The following LMAN2L variants were observed in gnomAD, a reference collection of about 807,000 sequenced individuals.
LMAN2L encodes the protein VIP36-like protein.
A neutral mutation model predicts 44.3 loss-of-function variants in LMAN2L; 30 were observed. The ratio of observed to expected loss-of-function variants is 0.68; its 90% CI spans 0.51 to 0.92. The LOEUF (loss-of-function observed/expected upper bound fraction) is 0.92, where lower values mean the gene tolerates loss of function less well. LMAN2L is among the 40% of genes least tolerant of loss of function. LMAN2L has a pLI of 0.00. For synonymous variants in LMAN2L, 183 were observed against 171.1 expected (o/e 1.07, Z -0.54); for missense variants, 429 against 446.1 (o/e 0.96, Z 0.35).
chr2:96,707,358 G>C lies in LMAN2L; in HGVS notation c.945C>G (p.Phe315Leu). The C allele has an allele frequency of 1.2e-6, 2 of 1,613,660 alleles. No individual in the cohort carries two copies. The highest frequency in any genetic ancestry group is 4.5e-5 in the East Asian group (2 of 44,874). ...ACACCAGGGAGAAAAAGACGATGAG[G>C]AAGAGGGCCAGGCCACTCAGGGGCG... Reference protein sequence around the residue: ...PLPPLSGLALFLIVFFSLVFS... With the variant: ...PLPPLSGLALLLIVFFSLVFS... The change falls in exon 8 of 8, where the codon TTC becomes TTG. Residue 315 changes from phenylalanine (F) to leucine (L), a missense_variant. By Grantham distance (22) the Phe-to-Leu change is conservative (BLOSUM62 0). Transcript: ENST00000264963.
chr2:96,730,962 T>C (rs1207817460), intron 4 of LMAN2L, among the ~76,000 whole-genome samples: 1 of 152,114 alleles, frequency 6.6e-6, no homozygotes, highest in African/African-American at 2.4e-5. Flanking sequence ...CATGAGCCAC[T>C]GCACCCAGCC....
intron 3 of LMAN2L, 79 bp downstream of exon 3, chr2:96,734,330 G>A: frequency 2.3e-6 from 2 of 872,658 alleles, no homozygotes; most frequent in Non-Finnish European, 3.9e-6. Flanking sequence ...GCACTGTGGG[G>A]AAGGAACCTT....
chr2:96,725,599 T>C (rs373575751), intron 4 of LMAN2L, among the ~76,000 whole-genome samples: 9 of 151,250 alleles, frequency 6.0e-5, no homozygotes, highest in African/African-American at 2.2e-4. Flanking sequence ...CCCGCCACCA[T>C]GCCCGGCTGA....
intron 4 of LMAN2L, among the ~76,000 whole-genome samples, chr2:96,714,619 C>T (rs959486296): frequency 1.3e-5 from 2 of 152,176 alleles, no homozygotes; most frequent in Admixed American, 6.5e-5. Flanking sequence ...TTAAAAATGC[C>T]CTGTGGAGCT....
At chr2:96,738,722 G>A (rs772139224) in intron 1 of LMAN2L, among the ~76,000 whole-genome samples, 6 of 151,854 alleles carry the variant, frequency 4.0e-5, no homozygotes, top group Non-Finnish European at 7.4e-5. Context: ...TCAGGCCTCC[G>A]GGGCTTAGTC....
chr2:96,709,152 C>T (rs535957234), intron 6 of LMAN2L, among the ~76,000 whole-genome samples: 1 of 152,056 alleles, frequency 6.6e-6, no homozygotes, highest in Non-Finnish European at 1.5e-5. Flanking sequence ...AACTCCCAAC[C>T]TCAGGTGATC....
At chr2:96,734,314 C>T in intron 3 of LMAN2L, 95 bp downstream of exon 3, 1 of 798,090 alleles carries the variant, frequency 1.3e-6, no homozygotes, top group South Asian at 1.4e-5. Flanking sequence ...AGAGGGAAAA[C>T]AGCTGGCACT....
chr2:96,711,817 A>G (rs1377333081), intron 5 of LMAN2L, 47 bp from the exon 6 acceptor site: 1 of 1,613,020 alleles, frequency 6.2e-7, no homozygotes, highest in East Asian at 2.2e-5. Context: ...TGGGAGCAAG[A>G]GCGACACAGC....
intron 6 of LMAN2L, among the ~76,000 whole-genome samples, chr2:96,710,976 A>G (rs1041324015): frequency 6.6e-6 from 1 of 152,236 alleles, no homozygotes; most frequent in Non-Finnish European, 1.5e-5. Flanking sequence ...TAAGTAGAAA[A>G]AGAAACAAGA....
intron 4 of LMAN2L, among the ~76,000 whole-genome samples, chr2:96,716,964 T>A (rs535329468): frequency 2.0e-5 from 3 of 152,354 alleles, no homozygotes; most frequent in African/African-American, 7.2e-5. Context: ...TCTGGGACTT[T>A]CTTTCATTAT....
rs997609126 is a variant in LMAN2L, at chr2:96,716,156, T to G, written c.508-4131A>C. 2.0e-5 allele frequency among the ~76,000 whole-genome samples: 3 copies of G among 152,176 alleles called. No homozygotes were observed. In the East Asian group the frequency reaches 5.8e-4, roughly 29 times the overall value. ...TCAACCATTAATATTTCCAAAAATA[T>G]TTTGGAGAGTATTAGATTTGGCTTC... On this transcript the variant is annotated intron_variant, in intron 4 of 7. Coordinates refer to ENST00000264963, the MANE Select transcript of LMAN2L (RefSeq NM_030805.4).
chr2:96,711,622 A>G, intron 6 of LMAN2L, 34 bp downstream of exon 6: 1 of 1,419,528 alleles, frequency 7.0e-7, no homozygotes, highest in Non-Finnish European at 1.0e-6. Flanking sequence ...AAGAGGCCTC[A>G]GTCAGGGCAA....
intron 4 of LMAN2L, among the ~76,000 whole-genome samples, chr2:96,714,467 G>A (rs1284338523): frequency 3.3e-5 from 5 of 152,336 alleles, no homozygotes; most frequent in East Asian, 3.9e-4. Flanking sequence ...ACATCAATCC[G>A]TGGATGATTA....
At chr2:96,729,423 G>A (rs1222702189) in intron 4 of LMAN2L, among the ~76,000 whole-genome samples, 1 of 152,074 alleles carries the variant, frequency 6.6e-6, no homozygotes, top group East Asian at 1.9e-4. Context: ...ACTATAAGGA[G>A]GTTTGACGAG....
chr2:96,712,122 C>A, intron 4 of LMAN2L, 97 bp from the exon 5 acceptor site: 1 of 1,260,198 alleles, frequency 7.9e-7, no homozygotes. Flanking sequence ...AGTTGAGCCC[C>A]TTACAGCAGA....
chr2:96,737,470 CA>C (rs1342688769), intron 2 of LMAN2L, among the ~76,000 whole-genome samples: 2 of 151,826 alleles, frequency 1.3e-5, no homozygotes, highest in Non-Finnish European at 2.9e-5. Context: ...GGCAACATAG[CA>C]AGACCCCATC....
At chr2:96,714,949 GT>G (rs914907994) in intron 4 of LMAN2L, among the ~76,000 whole-genome samples, 1 of 151,988 alleles carries the variant, frequency 6.6e-6, no homozygotes, top group East Asian at 1.9e-4. Flanking sequence ...TTTTTTGTTT[GT>G]TTTTTTGAGA....
chr2:96,734,762 T>C (rs750157500), intron 2 of LMAN2L: 12 of 501,984 alleles, frequency 2.4e-5, no homozygotes, highest in African/African-American at 3.9e-5. Flanking sequence ...TCTTCAACAT[T>C]TCCCAACAGA....
At chr2:96,726,524 T>C (rs1046191920) in intron 4 of LMAN2L, among the ~76,000 whole-genome samples, 1 of 152,172 alleles carries the variant, frequency 6.6e-6, no homozygotes, top group Non-Finnish European at 1.5e-5. Context: ...AGCTCACGCC[T>C]GTAATCCCAG....
Sources: allele counts gnomAD v4.1 joint callset (sites outside exome capture counted in the v4.1 genomes callset), GRCh38; gene constraint gnomAD v4.1.1; transcripts MANE v1.5; gene names NCBI Gene and HGNC (gene_info 2026-07-23, HGNC 2026-07-21).